Variants in ASIC2 observed in about 807,000 individuals in gnomAD.
ASIC2 encodes the protein acid-sensing ion channel 2.
A neutral mutation model predicts 57.3 loss-of-function variants in ASIC2; 25 were observed. That is an observed-to-expected ratio of 0.44 (90% confidence interval 0.32 to 0.61). The LOEUF (loss-of-function observed/expected upper bound fraction) is 0.61, where lower values mean the gene tolerates loss of function less well. Among genes scored for constraint, ASIC2 ranks in the 20% least tolerant of loss-of-function variants. The pLI is 0.06. For synonymous variants in ASIC2, 319 were observed against 307.5 expected (o/e 1.04, Z -0.39); for missense variants, 641 against 738.1 (o/e 0.87, Z 1.52).
At chr17:33,887,960 G>C (rs1331555506) in intron 1 of ASIC2, among the ~76,000 whole-genome samples, 1 of 152,084 alleles carries the variant, frequency 6.6e-6, no homozygotes, top group African/African-American at 2.4e-5. Flanking sequence ...ACTTAGGATG[G>C]GGTTATGGTT....
chr17:33,896,731 C>T (rs1473993689), intron 1 of ASIC2, among the ~76,000 whole-genome samples: 1 of 152,218 alleles, frequency 6.6e-6, no homozygotes, highest in East Asian at 1.9e-4. Flanking sequence ...CCTCTCAGAA[C>T]CTGTGTGTAG....
At chr17:33,572,732 CA>C (rs1402950601) in intron 1 of ASIC2, among the ~76,000 whole-genome samples, 1 of 152,198 alleles carries the variant, frequency 6.6e-6, no homozygotes, top group Non-Finnish European at 1.5e-5. Flanking sequence ...GACCAATGGT[CA>C]CTCCCAAGTA....
intron 1 of ASIC2, among the ~76,000 whole-genome samples, chr17:33,953,765 G>C (rs1904649199): frequency 6.6e-6 from 1 of 152,160 alleles, no homozygotes; most frequent in Non-Finnish European, 1.5e-5. Context: ...GTGGGTGGTG[G>C]CTTGGACGGG....
intron 1 of ASIC2, among the ~76,000 whole-genome samples, chr17:33,329,910 C>T (rs555476608): frequency 3.3e-5 from 5 of 152,088 alleles, no homozygotes; most frequent in African/African-American, 1.2e-4. Context: ...GAAGGAGGAA[C>T]CTACTTGGGG....
intron 1 of ASIC2, among the ~76,000 whole-genome samples, chr17:33,269,390 C>T (rs1904353622): frequency 2.0e-5 from 3 of 152,102 alleles, no homozygotes; most frequent in Non-Finnish European, 4.4e-5. Context: ...AGTGGTGTCC[C>T]ATCGGGGGGA....
chr17:33,831,200 T>C (rs1017716449), intron 1 of ASIC2, among the ~76,000 whole-genome samples: 4 of 150,640 alleles, frequency 2.7e-5, no homozygotes, highest in Admixed American at 6.6e-5. Context: ...CTATAATTTA[T>C]ATTTGCATAT....
chr17:33,301,901 T>C (rs1381810666), intron 1 of ASIC2, among the ~76,000 whole-genome samples: 1 of 152,204 alleles, frequency 6.6e-6, no homozygotes, highest in Non-Finnish European at 1.5e-5. Context: ...GAGGCTCACC[T>C]GGGAGCCAGG....
chr17:33,785,545 C>A (rs1346430068), intron 1 of ASIC2, among the ~76,000 whole-genome samples: 1 of 152,124 alleles, frequency 6.6e-6, no homozygotes, highest in Non-Finnish European at 1.5e-5. Context: ...TGCTGTTGAG[C>A]CAATGCCCTT....
At chr17:33,820,086 T>C (rs975896916) in intron 1 of ASIC2, among the ~76,000 whole-genome samples, 9 of 152,218 alleles carry the variant, frequency 5.9e-5, no homozygotes, top group Non-Finnish European at 1.0e-4. Flanking sequence ...ACTGTCCACA[T>C]GTAGCTGTTG....
chr17:33,433,367 C>CA (rs1911485262), intron 1 of ASIC2, among the ~76,000 whole-genome samples: 1 of 152,146 alleles, frequency 6.6e-6, no homozygotes, highest in East Asian at 1.9e-4. Flanking sequence ...CATGGACACA[C>CA]AGAGGTGAAC....
intron 1 of ASIC2, among the ~76,000 whole-genome samples, chr17:34,049,162 C>T (rs1567800830): frequency 6.6e-6 from 1 of 152,030 alleles, no homozygotes; most frequent in Non-Finnish European, 1.5e-5. Flanking sequence ...TGTGGCGGTG[C>T]ATGCCTGTGG....
At chr17:33,558,786 T>A (rs1915985232) in intron 1 of ASIC2, among the ~76,000 whole-genome samples, 1 of 152,114 alleles carries the variant, frequency 6.6e-6, no homozygotes, top group African/African-American at 2.4e-5. Flanking sequence ...CCTGAGGACA[T>A]GATCCTTACT....
intron 1 of ASIC2, among the ~76,000 whole-genome samples, chr17:33,503,273 C>T (rs1039444080): frequency 1.3e-5 from 2 of 152,166 alleles, no homozygotes; most frequent in Non-Finnish European, 2.9e-5. Context: ...GGGTTTATTA[C>T]AGGCAAAATG....
At chr17:33,904,163 CAAAAAAAAA>C in intron 1 of ASIC2, among the ~76,000 whole-genome samples, 1 of 55,860 alleles carries the variant, frequency 1.8e-5, no homozygotes, top group South Asian at 1.3e-3. Flanking sequence ...AACTCCGTCT[CAAAAAAAAA>C]AAAAAAAAAA....
chr17:33,183,365 GA>G (rs1906062386), intron 1 of ASIC2, among the ~76,000 whole-genome samples: 2 of 152,148 alleles, frequency 1.3e-5, no homozygotes, highest in African/African-American at 4.8e-5. Context: ...GGGAGTTAAT[GA>G]AAAAATTACA....
intron 1 of ASIC2, among the ~76,000 whole-genome samples, chr17:33,135,048 G>C (rs62069664): frequency 1.3e-5 from 2 of 152,224 alleles, no homozygotes; most frequent in South Asian, 2.1e-4. Flanking sequence ...ACTGTGACTC[G>C]GAGAAGAAAG....
intron 1 of ASIC2, among the ~76,000 whole-genome samples, chr17:33,440,352 C>T (rs1398038380): frequency 1.3e-5 from 2 of 152,202 alleles, no homozygotes; most frequent in Non-Finnish European, 2.9e-5. Context: ...ATGTATACAC[C>T]ATGTTTTGTT....
chr17:33,092,929 T>C (rs779040407), intron 2 of ASIC2, among the ~76,000 whole-genome samples: 5 of 152,196 alleles, frequency 3.3e-5, no homozygotes, highest in Non-Finnish European at 5.9e-5. Context: ...ATGTCTGCTG[T>C]TCCCTGCTGT....
At chr17:33,564,692 C>T (rs1026314493) in intron 1 of ASIC2, among the ~76,000 whole-genome samples, 2 of 152,124 alleles carry the variant, frequency 1.3e-5, no homozygotes, top group Non-Finnish European at 2.9e-5. Context: ...ATAAACTGGC[C>T]CTAAAACCGG....
Sources: gnomAD v4.1 joint callset for allele counts (sites outside exome capture counted in the v4.1 genomes callset) on GRCh38, gnomAD v4.1.1 for gene constraint, MANE v1.5 for transcripts, NCBI Gene and HGNC (gene_info 2026-07-23, HGNC 2026-07-21) for gene names.